The following TNRC6B variants were observed in gnomAD, a reference collection of about 807,000 sequenced individuals.
The protein encoded by TNRC6B is trinucleotide repeat containing adaptor 6B, also known as trinucleotide repeat-containing gene 6B protein.
TNRC6B carries 52 observed loss-of-function variants against 203.6 expected under a neutral mutation model. That is an observed-to-expected ratio of 0.26 (90% CI 0.20 to 0.32). TNRC6B has a LOEUF of 0.32. Among genes scored for constraint, TNRC6B ranks in the 10% least tolerant of loss-of-function variants. TNRC6B has a pLI of 1.00. For missense variants in TNRC6B, 1,923 were observed against 2,286.2 expected, an observed-to-expected ratio of 0.84 and a Z score of 3.24; for synonymous variants, 838 against 845.7, an observed-to-expected ratio of 0.99 and a Z score of 0.16.
chr22:40,113,367 C>G (rs2068357864), intron 1 of TNRC6B, among the ~76,000 whole-genome samples: 1 of 152,096 alleles, frequency 6.6e-6, no homozygotes, highest in Non-Finnish European at 1.5e-5. Flanking sequence ...CACCTGTGCT[C>G]CTTTTGAGAC....
chr22:40,051,515 A>G (rs968770333), intron 1 of TNRC6B, among the ~76,000 whole-genome samples: 2 of 152,198 alleles, frequency 1.3e-5, no homozygotes, highest in African/African-American at 2.4e-5. Flanking sequence ...GACATTGACA[A>G]CTGCCTCCAG....
At chr22:40,274,953 C>T (rs2070618552) in intron 7 of TNRC6B, among the ~76,000 whole-genome samples, 1 of 152,206 alleles carries the variant, frequency 6.6e-6, no homozygotes, top group African/African-American at 2.4e-5. Flanking sequence ...TTAACTTCAA[C>T]ATGAGAGTCT....
chr22:40,132,726 G>A (rs1461664165), intron 3 of TNRC6B, among the ~76,000 whole-genome samples: 3 of 149,284 alleles, frequency 2.0e-5, no homozygotes, highest in Non-Finnish European at 3.0e-5. Flanking sequence ...GGTGGATCAC[G>A]AGGTCAGGAG....
At chr22:40,059,883 T>C (rs1268052175) in intron 1 of TNRC6B, among the ~76,000 whole-genome samples, 2 of 147,992 alleles carry the variant, frequency 1.4e-5, no homozygotes, top group African/African-American at 2.5e-5. Context: ...AGTGCACTGG[T>C]GCAGTCTCGG....
chr22:40,089,098 A>G (rs2068126021), intron 1 of TNRC6B, among the ~76,000 whole-genome samples: 1 of 152,216 alleles, frequency 6.6e-6, no homozygotes, highest in Admixed American at 6.5e-5. Flanking sequence ...TCAGAAAAAA[A>G]CAAATGAGTA....
intron 3 of TNRC6B, among the ~76,000 whole-genome samples, chr22:40,149,530 C>T (rs530875824): frequency 1.3e-5 from 2 of 151,972 alleles, no homozygotes; most frequent in Admixed American, 6.6e-5. Context: ...ATTCGCCAGG[C>T]GTGGTGGCAC....
At chr22:40,221,452 C>A (rs1202528458) in intron 1 of TNRC6B, among the ~76,000 whole-genome samples, 1 of 152,024 alleles carries the variant, frequency 6.6e-6, no homozygotes, top group Non-Finnish European at 1.5e-5. Context: ...TATTTTTTAT[C>A]TTTTTGAGAC....
rs1482647700 is a variant in TNRC6B at position 40,330,632 on chromosome 22, T to G, written c.*7391T>G. On this transcript the variant is annotated 3_prime_UTR_variant, in exon 23 of 23. Coordinates refer to ENST00000454349, the MANE Select transcript of TNRC6B (RefSeq NM_001162501.2). ...ACACTTCTTGCCAGAAATTTTGGGA[T>G]AAGTTGGAATAAATGTGTTTAAAAC... 6.5e-6 allele frequency: 1 copy of G among 152,674 alleles called. No homozygotes were observed. The highest frequency in any genetic ancestry group is 1.5e-5 in the Non-Finnish European group (1 of 68,036). 9.5% of individuals were successfully genotyped at this position (152,674 alleles called of 1,614,324 possible). A position where few individuals can be genotyped will look rare whatever the true frequency, so the allele number is the denominator to read the frequency against.
At chr22:40,316,111 T>C (rs1478806647) in intron 21 of TNRC6B, 99 bp downstream of exon 21, 2 of 1,102,550 alleles carry the variant, frequency 1.8e-6, no homozygotes, top group Non-Finnish European at 2.7e-6. Context: ...TCCAAGCACT[T>C]TGGGAGGCCG....
chr22:40,151,786 A>G (rs2068758342), intron 3 of TNRC6B, among the ~76,000 whole-genome samples: 1 of 151,884 alleles, frequency 6.6e-6, no homozygotes, highest in African/African-American at 2.4e-5. Context: ...AGACACAAAA[A>G]TGGAGAAAGA....
intron 21 of TNRC6B, among the ~76,000 whole-genome samples, chr22:40,319,614 A>G (rs922325513): frequency 8.6e-5 from 13 of 151,762 alleles, no homozygotes; most frequent in Non-Finnish European, 1.5e-4. Flanking sequence ...TTTAGTAGAG[A>G]TGGGTTTCAC....
intron 3 of TNRC6B, among the ~76,000 whole-genome samples, chr22:40,128,094 A>T (rs2068509791): frequency 6.6e-6 from 1 of 152,216 alleles, no homozygotes; most frequent in African/African-American, 2.4e-5. Flanking sequence ...ACTCAAGAAT[A>T]AGAGAACATT....
intron 16 of TNRC6B, among the ~76,000 whole-genome samples, chr22:40,309,339 G>T (rs1007537181): frequency 6.6e-6 from 1 of 152,222 alleles, no homozygotes; most frequent in Admixed American, 6.5e-5. Context: ...AGTATAAATA[G>T]GTGTCCGGCT....
At chr22:40,140,551 G>C (rs1162127512) in intron 3 of TNRC6B, among the ~76,000 whole-genome samples, 1 of 152,160 alleles carries the variant, frequency 6.6e-6, no homozygotes, top group Non-Finnish European at 1.5e-5. Flanking sequence ...ACCAGTCCTT[G>C]ACCACTTACA....
intron 12 of TNRC6B, among the ~76,000 whole-genome samples, chr22:40,296,909 G>A (rs1490134013): frequency 9.2e-5 from 14 of 152,164 alleles, no homozygotes; most frequent in Non-Finnish European, 2.9e-5. Context: ...GGGATTACAG[G>A]TGTCAGCCAC....
chr22:40,316,475 A>G (rs1269580668), intron 21 of TNRC6B, among the ~76,000 whole-genome samples: 1 of 152,116 alleles, frequency 6.6e-6, no homozygotes, highest in East Asian at 1.9e-4. Flanking sequence ...AAATCAGTCC[A>G]AGCAATATGA....
chr22:40,078,411 C>T (rs893433198), intron 1 of TNRC6B, among the ~76,000 whole-genome samples: 1 of 152,008 alleles, frequency 6.6e-6, no homozygotes, highest in Non-Finnish European at 1.5e-5. Context: ...GTAGTCCCAG[C>T]TACTTGGGAG....
intron 12 of TNRC6B, among the ~76,000 whole-genome samples, chr22:40,296,326 A>ATTT (rs951987835): frequency 3.5e-4 from 44 of 125,450 alleles, no homozygotes; most frequent in African/African-American, 5.5e-4. Flanking sequence ...AGAATGGTGA[A>ATTT]TTTTTTTTTT....
chr22:40,252,066 G>T (rs1232939527), intron 3 of TNRC6B, among the ~76,000 whole-genome samples: 2 of 152,118 alleles, frequency 1.3e-5, no homozygotes, highest in African/African-American at 4.8e-5. Context: ...CTTCTTGCTC[G>T]CCTGTTAATT....
Sources: gnomAD v4.1 joint callset for allele counts (sites outside exome capture counted in the v4.1 genomes callset) on GRCh38, gnomAD v4.1.1 for gene constraint, MANE v1.5 for transcripts, NCBI Gene and HGNC (gene_info 2026-07-23, HGNC 2026-07-21) for gene names.